The following GABRA4 variants were observed in gnomAD, a reference collection of about 807,000 sequenced individuals.
GABRA4 encodes the protein gamma-aminobutyric acid type A receptor subunit alpha4.
GABRA4 carries 12 observed loss-of-function variants against 49.7 expected under a neutral mutation model. That is an observed-to-expected ratio of 0.24 (90% CI 0.15 to 0.39). The LOEUF (loss-of-function observed/expected upper bound fraction) is 0.39. Ranked by LOEUF, GABRA4 falls within the 10% of genes least tolerant of loss-of-function variation. The probability of loss-of-function intolerance (pLI) is 1.00; values close to 1 mark genes in which losing one functional copy is unlikely to be tolerated. For missense variants in GABRA4, 506 were observed against 686.0 expected, an observed-to-expected ratio of 0.74 and a Z score of 2.93; for synonymous variants, 288 against 240.2, an observed-to-expected ratio of 1.20 and a Z score of -1.84.
chr4:46,987,686 T>C (rs550209024), intron 2 of GABRA4, among the ~76,000 whole-genome samples: 4 of 152,222 alleles, frequency 2.6e-5, no homozygotes, highest in Non-Finnish European at 5.9e-5. Context: ...ATATCCATCT[T>C]TACTATATCT....
chr4:46,928,616 G>A lies in GABRA4; in HGVS notation c.1274C>T (p.Pro425Leu), dbSNP rs772412349. The A allele has an allele frequency of 1.2e-6, 2 of 1,613,518 alleles. No individual in the cohort carries two copies. Among genetic ancestry groups the A allele is most frequent in the South Asian group, 1.1e-5 (1 of 91,084 alleles). Residue 425 changes from proline (P) to leucine (L), a missense_variant, in exon 9 of 9, where the codon CCT becomes CTT. This residue lies in a region of GABRA4 where 243 missense variants were observed against 210.8 expected (regional missense o/e 1.15). Transcript: ENST00000264318. The part of the protein sequence containing the change: ...TVVQESSKGT[P>L]RSYLASSPNP... ...TGGACTGGAAGCTAAGTAAGACCGA[G>A]GTGTGCCTTTAGAAGATTCTTGAAC...
chr4:46,991,382 A>T (rs1267821704), intron 2 of GABRA4, among the ~76,000 whole-genome samples: 1 of 152,142 alleles, frequency 6.6e-6, no homozygotes, highest in Non-Finnish European at 1.5e-5. Flanking sequence ...AAATGAGACC[A>T]GATGCCAAAG....
chr4:46,965,018 A>G lies in GABRA4; in HGVS notation c.1086T>C (p.Val362=), dbSNP rs748102848. 1.1e-5 allele frequency: 18 copies of G among 1,611,732 alleles called. No individual in the cohort carries two copies. Among genetic ancestry groups the G allele is most frequent in the Admixed American group, 1.7e-5 (1 of 59,736 alleles). Residue 362 remains valine, a synonymous_variant, in exon 8 of 9, where the codon GTT becomes GTC. Transcript: ENST00000264318. ...TCTCTCTCTGCACTGGAGCAGCGGGAACTTCCTGAGGGGGCTTTGATGTCT... is the reference window on the plus strand; with the variant it reads ...TCTCTCTCTGCACTGGAGCAGCGGGGACTTCCTGAGGGGGCTTTGATGTCT... The part of the protein sequence containing the change: ...KRKTSKPPQE[V]PAAPVQREKH...
At chr4:46,968,477 A>T (rs1722843724) in intron 7 of GABRA4, among the ~76,000 whole-genome samples, 1 of 151,594 alleles carries the variant, frequency 6.6e-6, no homozygotes, top group African/African-American at 2.4e-5. Context: ...ACCTCCTGTG[A>T]AGACAGACTG....
Position 46,925,124 on chromosome 4 carries a change from C to T in GABRA4, c.*3101G>A, listed in dbSNP as rs1721171501. 1 of 151,780 alleles carries T rather than the reference C, an allele frequency of 6.6e-6. No individual in the cohort carries two copies. Among genetic ancestry groups the T allele is most frequent in the Non-Finnish European group, 1.5e-5 (1 of 67,848 alleles). 9.4% of individuals were successfully genotyped at this position (151,780 alleles called of 1,614,324 possible). ...GTTTATGCTTTGTTTGAAAAGGGGTCACTTTTAAGGTGAGATTATTGAAAA... is the reference window on the plus strand; with the variant it reads ...GTTTATGCTTTGTTTGAAAAGGGGTTACTTTTAAGGTGAGATTATTGAAAA... On this transcript the variant is annotated 3_prime_UTR_variant, in exon 9 of 9. Coordinates refer to ENST00000264318, the MANE Select transcript of GABRA4 (RefSeq NM_000809.4).
chr4:46,937,287 A>G (rs1402564014), intron 8 of GABRA4, among the ~76,000 whole-genome samples: 1 of 152,208 alleles, frequency 6.6e-6, no homozygotes, highest in Admixed American at 6.5e-5. Flanking sequence ...TAGACTTTCT[A>G]GCCTCCAGAA....
Position 46,928,167 on chromosome 4 carries a change from A to G in GABRA4, c.*58T>C. ...AGAATATTTGTTTATATTTAAAAAC[A>G]TTTAAAAAGACATTCTGCATTTTCA... On this transcript the variant is annotated 3_prime_UTR_variant, in exon 9 of 9. Coordinates refer to ENST00000264318, the MANE Select transcript of GABRA4 (RefSeq NM_000809.4). 1 of 1,358,030 alleles carries G rather than the reference A, an allele frequency of 7.4e-7. No individual in the cohort carries two copies. Among genetic ancestry groups the G allele is most frequent in the Non-Finnish European group, 1.0e-6 (1 of 1,001,364 alleles). The allele number at this position is 1,358,030 out of a possible 1,614,324, so 84.1% of individuals were successfully genotyped here.
At chr4:46,950,662 C>A (rs1433816012) in intron 8 of GABRA4, among the ~76,000 whole-genome samples, 1 of 151,440 alleles carries the variant, frequency 6.6e-6, no homozygotes, top group African/African-American at 2.4e-5. Context: ...CTAACCCAGG[C>A]TTCCACTTAT....
intron 8 of GABRA4, among the ~76,000 whole-genome samples, chr4:46,959,834 ATGTGTGTGTGTGTGTG>A (rs1553904345): frequency 4.3e-5 from 6 of 140,286 alleles, no homozygotes; most frequent in South Asian, 2.2e-4. Flanking sequence ...ATATATATAT[ATGTGTGTGTGTGTGTG>A]TATGTGTGTG....
chr4:46,964,687 C>T (rs1722690981), intron 8 of GABRA4, among the ~76,000 whole-genome samples: 1 of 151,730 alleles, frequency 6.6e-6, no homozygotes, highest in Non-Finnish European at 1.5e-5. Context: ...TAATAGTATA[C>T]ATGGGATTTT....
At chr4:46,978,687 C>CA (rs71193889) in intron 3 of GABRA4, among the ~76,000 whole-genome samples, 2,728 of 21,682 alleles carry the variant, frequency 0.13, 361 homozygotes, top group East Asian at 0.33. Flanking sequence ...AACTTCATCT[C>CA]AAAAAAAAAA....
At chr4:46,973,604 A>T (rs2109388406) in intron 6 of GABRA4, among the ~76,000 whole-genome samples, 1 of 151,942 alleles carries the variant, frequency 6.6e-6, no homozygotes, top group Non-Finnish European at 1.5e-5. Context: ...TGATATGTGT[A>T]TGTAAGGAAC....
chr4:46,987,280 C>G (rs887391245), intron 2 of GABRA4, among the ~76,000 whole-genome samples: 1 of 152,144 alleles, frequency 6.6e-6, no homozygotes, highest in Non-Finnish European at 1.5e-5. Context: ...TTAGAAGACT[C>G]CATCCCAAAT....
chr4:46,947,867 AG>A (rs1195326361), intron 8 of GABRA4, among the ~76,000 whole-genome samples: 5 of 152,064 alleles, frequency 3.3e-5, no homozygotes, highest in African/African-American at 9.7e-5. Context: ...AAGGGTTTGG[AG>A]GCTGGCTGGA....
intron 8 of GABRA4, among the ~76,000 whole-genome samples, chr4:46,942,188 T>C (rs1273567851): frequency 6.6e-6 from 1 of 152,132 alleles, no homozygotes; most frequent in Non-Finnish European, 1.5e-5. Context: ...AGAAAAACAG[T>C]ACAAAATTCT....
chr4:46,969,488 A>T (rs1014291074), intron 7 of GABRA4, among the ~76,000 whole-genome samples: 5 of 151,584 alleles, frequency 3.3e-5, no homozygotes, highest in African/African-American at 1.2e-4. Flanking sequence ...TAAATGAGAT[A>T]ATGAACATCA....
chr4:46,930,977 C>T (rs959640767), intron 8 of GABRA4, among the ~76,000 whole-genome samples: 28 of 151,378 alleles, frequency 1.8e-4, no homozygotes, highest in African/African-American at 5.6e-4. Context: ...GGCAGGCTTC[C>T]TGAACTGAAG....
In GABRA4 at chr4:46,993,492, C is replaced by A. The variant is rs2109417499; in HGVS notation, c.-68G>T. On this transcript the variant is annotated 5_prime_UTR_variant, in exon 1 of 9. Transcript: ENST00000264318. ...CTCTTCAGATGCCCTGAGCAGGGTGCGAGGAGAGGGCAGAGAGGCTCCCGC... is the reference window on the plus strand; with the variant it reads ...CTCTTCAGATGCCCTGAGCAGGGTGAGAGGAGAGGGCAGAGAGGCTCCCGC... 6.6e-7 allele frequency: 1 copy of A among 1,526,454 alleles called. No individual in the cohort carries two copies. The highest frequency in any genetic ancestry group is 1.1e-5 in the South Asian group (1 of 88,882). The allele number at this position is 1,526,454 out of a possible 1,614,324, so 94.6% of individuals were successfully genotyped here.
At chr4:46,932,160 G>A (rs960899711) in intron 8 of GABRA4, among the ~76,000 whole-genome samples, 2 of 152,012 alleles carry the variant, frequency 1.3e-5, no homozygotes, top group South Asian at 2.1e-4. Context: ...GGACCTTTAG[G>A]GGGCACTGTT....
Sources: gnomAD v4.1 joint callset for allele counts (sites outside exome capture counted in the v4.1 genomes callset) on GRCh38, gnomAD v4.1.1 for gene constraint, gnomAD v4.1.1 regional missense constraint, MANE v1.5 for transcripts, NCBI Gene and HGNC (gene_info 2026-07-23, HGNC 2026-07-21) for gene names.